Variants in CHRM3 observed in about 807,000 individuals in gnomAD.
The protein encoded by CHRM3 is muscarinic acetylcholine receptor M3.
A neutral mutation model predicts 41.8 loss-of-function variants in CHRM3; 11 were observed. That is an observed-to-expected ratio of 0.26 (90% CI 0.17 to 0.44). The LOEUF is 0.44. Ranked by LOEUF, CHRM3 falls within the 20% of genes least tolerant of loss-of-function variation. The pLI is 1.00. For synonymous variants in CHRM3, 297 were observed against 301.4 expected (o/e 0.99, Z 0.15); for missense variants, 571 against 745.4 (o/e 0.77, Z 2.72).
chr1:239,565,595 T>A (rs16838519), intron 3 of CHRM3, among the ~76,000 whole-genome samples: 1 of 152,148 alleles, frequency 6.6e-6, no homozygotes, highest in Non-Finnish European at 1.5e-5. Context: ...AATTTATTTT[T>A]TAAGATTTAT....
chr1:239,446,045 C>A (rs565616826), intron 1 of CHRM3, among the ~76,000 whole-genome samples: 1 of 152,138 alleles, frequency 6.6e-6, no homozygotes, highest in South Asian at 2.1e-4. Flanking sequence ...TCAAGCAATT[C>A]TCCTGCCTCA....
chr1:239,836,691 G>C (rs984811101), intron 6 of CHRM3, among the ~76,000 whole-genome samples: 6 of 152,270 alleles, frequency 3.9e-5, no homozygotes, highest in African/African-American at 9.6e-5. Flanking sequence ...AAGATAGGTG[G>C]AGGGGGCCTG....
chr1:239,744,448 G>A (rs76013472), intron 5 of CHRM3, among the ~76,000 whole-genome samples: 2,956 of 152,206 alleles, frequency 0.019, 40 homozygotes, highest in Middle Eastern at 0.037. Context: ...AGAGGTGATG[G>A]TTGAGCAACA....
intron 5 of CHRM3, among the ~76,000 whole-genome samples, chr1:239,772,756 T>G (rs1223702375): frequency 6.6e-6 from 1 of 152,206 alleles, no homozygotes; most frequent in Non-Finnish European, 1.5e-5. Context: ...TTTCTCTGAA[T>G]AGCTTTTGCC....
chr1:239,437,847 A>G (rs1663394960), intron 1 of CHRM3, among the ~76,000 whole-genome samples: 1 of 152,206 alleles, frequency 6.6e-6, no homozygotes, highest in African/African-American at 2.4e-5. Flanking sequence ...AGGTGGTACT[A>G]AAAGGCCAAA....
At chr1:239,461,218 A>G (rs1665334745) in intron 1 of CHRM3, among the ~76,000 whole-genome samples, 1 of 152,172 alleles carries the variant, frequency 6.6e-6, no homozygotes, top group Non-Finnish European at 1.5e-5. Flanking sequence ...TATATGGGTT[A>G]TAGGTTCTGA....
chr1:239,777,394 G>T (rs1032908830), intron 5 of CHRM3, among the ~76,000 whole-genome samples: 3 of 152,062 alleles, frequency 2.0e-5, no homozygotes, highest in African/African-American at 7.2e-5. Flanking sequence ...ATGAGGTGAT[G>T]TTTAATAAGC....
chr1:239,490,328 T>TA (rs1667473671), intron 1 of CHRM3, among the ~76,000 whole-genome samples: 1 of 152,160 alleles, frequency 6.6e-6, no homozygotes, highest in African/African-American at 2.4e-5. Flanking sequence ...CTAGTCATGT[T>TA]ACAATGTTTC....
At chr1:239,497,079 T>C (rs960590632) in intron 2 of CHRM3, among the ~76,000 whole-genome samples, 2 of 152,138 alleles carry the variant, frequency 1.3e-5, no homozygotes, top group Non-Finnish European at 2.9e-5. Context: ...GAGAGACATG[T>C]TATTTTAAGG....
intron 2 of CHRM3, 35 bp downstream of exon 2, chr1:239,492,842 A>C (rs1425898882): frequency 1.3e-5 from 2 of 152,206 alleles, no homozygotes; most frequent in Non-Finnish European, 2.9e-5. Context: ...CCCATTCTCC[A>C]GGCCAATTTT....
chr1:239,475,079 A>G (rs557239200), intron 1 of CHRM3, among the ~76,000 whole-genome samples: 28 of 152,182 alleles, frequency 1.8e-4, no homozygotes, highest in Admixed American at 3.9e-4. Context: ...ATATACAATT[A>G]AGAGGAAGGT....
chr1:239,749,833 T>C (rs1360032089), intron 5 of CHRM3, among the ~76,000 whole-genome samples: 2 of 152,362 alleles, frequency 1.3e-5, no homozygotes, highest in East Asian at 3.9e-4. Flanking sequence ...AAGTAGGGTA[T>C]TCTGACCTCA....
chr1:239,454,132 G>A (rs921668617), intron 1 of CHRM3, among the ~76,000 whole-genome samples: 4 of 152,190 alleles, frequency 2.6e-5, no homozygotes, highest in South Asian at 2.1e-4. Flanking sequence ...TGTCCACCTC[G>A]AGCTAGTGGC....
intron 2 of CHRM3, among the ~76,000 whole-genome samples, chr1:239,528,977 T>C (rs967517490): frequency 3.3e-5 from 5 of 152,140 alleles, no homozygotes; most frequent in African/African-American, 1.2e-4. Flanking sequence ...CCGAAAACAA[T>C]GTGGATATTC....
intron 2 of CHRM3, among the ~76,000 whole-genome samples, chr1:239,538,586 C>G (rs555461956): frequency 6.6e-6 from 1 of 152,174 alleles, no homozygotes; most frequent in South Asian, 2.1e-4. Context: ...TAAAAATCTA[C>G]TGATTTTTGT....
chr1:239,874,543 C>T (rs968577694), intron 6 of CHRM3, among the ~76,000 whole-genome samples: 16 of 151,208 alleles, frequency 1.1e-4, no homozygotes, highest in African/African-American at 3.9e-4. Flanking sequence ...GGTTGTGGAT[C>T]CGATCCCTGA....
In CHRM3 at chr1:239,913,519, C is replaced by T. The variant is rs1680478326; in HGVS notation, c.*4295C>T. On this transcript the variant is annotated 3_prime_UTR_variant, in exon 7 of 7. Coordinates refer to ENST00000676153, the MANE Select transcript of CHRM3 (RefSeq NM_001375978.1). ...ACACGCTTAAGTTACACTCTCTTCT[C>T]CTGTTCTGATGACTCTAAATCTTCA... The T allele has an allele frequency of 7.8e-5, 13 of 166,918 alleles. 1 individual carries two copies. 10.3% of individuals were successfully genotyped at this position (166,918 alleles called of 1,614,324 possible).
chr1:239,781,030 G>A (rs950759386), intron 5 of CHRM3, among the ~76,000 whole-genome samples: 5 of 152,130 alleles, frequency 3.3e-5, no homozygotes, highest in African/African-American at 9.7e-5. Context: ...AGGTCTTGAA[G>A]TAAGATGGTA....
intron 1 of CHRM3, among the ~76,000 whole-genome samples, chr1:239,408,809 A>G (rs1660845522): frequency 6.7e-6 from 1 of 149,390 alleles, no homozygotes; most frequent in African/African-American, 2.5e-5. Context: ...TTTTTCAGAC[A>G]TGGGGTCTCA....
Sources: allele counts gnomAD v4.1 joint callset (sites outside exome capture counted in the v4.1 genomes callset), GRCh38; gene constraint gnomAD v4.1.1; transcripts MANE v1.5; gene names NCBI Gene and HGNC (gene_info 2026-07-23, HGNC 2026-07-21).